Variants in KCNQ5 observed in about 807,000 individuals in gnomAD.
KCNQ5 encodes potassium voltage-gated channel subfamily KQT member 5.
KCNQ5 carries 30 observed loss-of-function variants against 98.2 expected under a neutral mutation model. The ratio of observed to expected loss-of-function variants is 0.31; its 90% CI spans 0.23 to 0.41. KCNQ5 has a LOEUF of 0.41. Among genes scored for constraint, KCNQ5 ranks in the 10% least tolerant of loss-of-function variants. The pLI, the probability that KCNQ5 is intolerant of heterozygous loss-of-function variation, is 1.00. For missense variants in KCNQ5, 835 were observed against 1,182.5 expected (o/e 0.71, Z 4.31); for synonymous variants, 458 against 449.4 (o/e 1.02, Z -0.24).
intron 5 of KCNQ5, among the ~76,000 whole-genome samples, chr6:73,103,439 A>C (rs888816347): frequency 1.3e-5 from 2 of 150,814 alleles, no homozygotes; most frequent in African/African-American, 4.9e-5. Context: ...GAACAATGAG[A>C]ACACTTGGAC....
chr6:73,187,276 G>T (rs554724906), intron 11 of KCNQ5, among the ~76,000 whole-genome samples: 5 of 152,074 alleles, frequency 3.3e-5, no homozygotes, highest in Admixed American at 2.6e-4. Context: ...AGCCAGGATG[G>T]TCTCGATTTC....
chr6:72,663,640 C>A (rs1023289223), intron 1 of KCNQ5, among the ~76,000 whole-genome samples: 1 of 152,138 alleles, frequency 6.6e-6, no homozygotes, highest in Non-Finnish European at 1.5e-5. Context: ...ATCCCAAATA[C>A]AAGTTCCCAA....
intron 10 of KCNQ5, among the ~76,000 whole-genome samples, chr6:73,155,417 A>T (rs1461791220): frequency 6.6e-6 from 1 of 152,212 alleles, no homozygotes; most frequent in African/African-American, 2.4e-5. Context: ...AAAAGCAACG[A>T]GGATGGATGA....
rs569076164 is a variant in KCNQ5 at position 72,662,798 on chromosome 6, C to A, written c.398+40211C>A. On this transcript the variant is annotated intron_variant, in intron 1 of 13. Transcript: ENST00000370398. ...AATTATTAGTAAGAGAAAAACAAGG[C>A]TATTTTGAGAGCTACAAATATGCAT... Among the ~76,000 whole-genome samples, 4 of 151,990 alleles carry A rather than the reference C, an allele frequency of 2.6e-5. No homozygotes were observed. The East Asian group carries it at 7.7e-4, about 29-fold the overall frequency.
At chr6:72,908,985 C>T (rs996543410) in intron 1 of KCNQ5, among the ~76,000 whole-genome samples, 3 of 152,062 alleles carry the variant, frequency 2.0e-5, no homozygotes, top group African/African-American at 2.4e-5. Flanking sequence ...ATTCCTCACT[C>T]TCTACAATTA....
chr6:73,029,030 A>G (rs1174812004), intron 2 of KCNQ5, among the ~76,000 whole-genome samples: 3 of 152,204 alleles, frequency 2.0e-5, no homozygotes, highest in Non-Finnish European at 2.9e-5. Flanking sequence ...GTCACCCATC[A>G]GAGGTTGTTT....
At chr6:73,162,914 A>T (rs1201826323) in intron 10 of KCNQ5, among the ~76,000 whole-genome samples, 1 of 152,118 alleles carries the variant, frequency 6.6e-6, no homozygotes, top group Non-Finnish European at 1.5e-5. Context: ...AATGATCCTC[A>T]TCTGAGTGAG....
intron 1 of KCNQ5, among the ~76,000 whole-genome samples, chr6:72,668,954 A>T (rs1449918382): frequency 1.3e-5 from 2 of 151,910 alleles, no homozygotes; most frequent in Non-Finnish European, 1.5e-5. Context: ...AAATATACTT[A>T]TTGGGGATAT....
At chr6:73,179,084 T>A (rs549287123) in intron 11 of KCNQ5, among the ~76,000 whole-genome samples, 7 of 152,186 alleles carry the variant, frequency 4.6e-5, no homozygotes, top group Admixed American at 1.3e-4. Flanking sequence ...ATAAATGCTG[T>A]ATTTCTCATG....
At chr6:72,930,936 T>C (rs1335182868) in intron 1 of KCNQ5, among the ~76,000 whole-genome samples, 1 of 152,166 alleles carries the variant, frequency 6.6e-6, no homozygotes, top group Non-Finnish European at 1.5e-5. Context: ...TTAATCACTG[T>C]TAGTCATACT....
intron 1 of KCNQ5, among the ~76,000 whole-genome samples, chr6:72,747,772 T>G (rs1211188384): frequency 2.6e-5 from 4 of 152,192 alleles, no homozygotes; most frequent in Non-Finnish European, 1.5e-5. Context: ...ATTTTTATAA[T>G]GCTTAAAAAA....
chr6:72,724,094 T>A (rs1770131721), intron 1 of KCNQ5, among the ~76,000 whole-genome samples: 1 of 152,200 alleles, frequency 6.6e-6, no homozygotes, highest in African/African-American at 2.4e-5. Flanking sequence ...ATATAGATGT[T>A]TTCTCTGTGG....
chr6:72,652,650 G>A (rs923435422), intron 1 of KCNQ5, among the ~76,000 whole-genome samples: 10 of 152,068 alleles, frequency 6.6e-5, no homozygotes, highest in African/African-American at 1.9e-4. Context: ...TCTCCTCACC[G>A]TTGCCAGTGG....
intron 5 of KCNQ5, among the ~76,000 whole-genome samples, chr6:73,089,967 GTTCT>G (rs1774166720): frequency 6.6e-6 from 1 of 152,130 alleles, no homozygotes; most frequent in South Asian, 2.1e-4. Flanking sequence ...TCTACTTTTA[GTTCT>G]TTAAGGAATC....
intron 2 of KCNQ5, among the ~76,000 whole-genome samples, chr6:73,033,905 C>T (rs1321497612): frequency 6.6e-6 from 1 of 152,162 alleles, no homozygotes; most frequent in African/African-American, 2.4e-5. Flanking sequence ...CACTAATATA[C>T]CTTCCCAAAA....
intron 1 of KCNQ5, among the ~76,000 whole-genome samples, chr6:72,628,099 A>G (rs182107479): frequency 5.9e-5 from 9 of 152,310 alleles, no homozygotes; most frequent in Admixed American, 5.2e-4. Flanking sequence ...TAAGTGCCTA[A>G]CAAGGTGCCT....
At chr6:72,684,315 C>T (rs889630019) in intron 1 of KCNQ5, among the ~76,000 whole-genome samples, 1 of 152,148 alleles carries the variant, frequency 6.6e-6, no homozygotes, top group Non-Finnish European at 1.5e-5. Flanking sequence ...CAGAAAAGAT[C>T]CTAGCTGCTT....
intron 11 of KCNQ5, among the ~76,000 whole-genome samples, chr6:73,185,227 G>A (rs910184872): frequency 2.0e-5 from 3 of 152,198 alleles, no homozygotes; most frequent in African/African-American, 7.2e-5. Flanking sequence ...TACCCAGGCT[G>A]GAGTGCAGTG....
Position 72,717,661 on chromosome 6 carries a change from C to T in KCNQ5, c.398+95074C>T, listed in dbSNP as rs149753224. On this transcript the variant is annotated intron_variant, in intron 1 of 13. Coordinates refer to ENST00000370398, the MANE Select transcript of KCNQ5 (RefSeq NM_019842.4). Reference sequence around the variant, plus strand: ...GGGCTCTCAATCTTAGCATTAACCACGTATTTAAGGGGTGATAGGCACAAC... The same window carrying T: ...GGGCTCTCAATCTTAGCATTAACCATGTATTTAAGGGGTGATAGGCACAAC... Among the ~76,000 whole-genome samples, 36 of 152,228 alleles carry T rather than the reference C, an allele frequency of 2.4e-4. No individual in the cohort carries two copies. The East Asian group carries it at 4.6e-3, about 20-fold the overall frequency.
Sources: gnomAD v4.1 joint callset for allele counts (sites outside exome capture counted in the v4.1 genomes callset) on GRCh38, gnomAD v4.1.1 for gene constraint, MANE v1.5 for transcripts, NCBI Gene and HGNC (gene_info 2026-07-23, HGNC 2026-07-21) for gene names.